Variants in EYS observed in about 807,000 individuals in gnomAD.
EYS encodes the protein EGF-like photoreceptor maintenance factor.
EYS carries 250 observed loss-of-function variants against 282.1 expected under a neutral mutation model. The observed-to-expected ratio is 0.89, with a 90% confidence interval of 0.80 to 0.98. EYS has a LOEUF of 0.98. Ranked by LOEUF, EYS falls within the 50% of genes least tolerant of loss-of-function variation. EYS has a pLI of 0.00. For synonymous variants in EYS, 1,355 were observed against 1,282.9 expected (o/e 1.06, Z -1.20); for missense variants, 4,016 against 3,709.0 (o/e 1.08, Z -2.15).
chr6:65,418,649 G>T (rs905321997), intron 5 of EYS, among the ~76,000 whole-genome samples: 2 of 152,034 alleles, frequency 1.3e-5, no homozygotes, highest in South Asian at 4.1e-4. Context: ...AACACCACAT[G>T]TTTTCACTTA....
chr6:64,192,943 G>C (rs910971690), intron 31 of EYS, among the ~76,000 whole-genome samples: 1 of 152,102 alleles, frequency 6.6e-6, no homozygotes, highest in Admixed American at 6.5e-5. Flanking sequence ...CTGTGTGTGA[G>C]TTTGTTTGTA....
intron 22 of EYS, among the ~76,000 whole-genome samples, chr6:64,748,078 T>C (rs1772614309): frequency 1.3e-5 from 2 of 152,110 alleles, no homozygotes; most frequent in African/African-American, 4.8e-5. Flanking sequence ...GTGGAGAACA[T>C]AGATTTCTAC....
At chr6:65,355,843 G>C (rs1345671120) in intron 8 of EYS, among the ~76,000 whole-genome samples, 2 of 152,072 alleles carry the variant, frequency 1.3e-5, no homozygotes, top group Non-Finnish European at 2.9e-5. Context: ...TGTTGGTGAA[G>C]ATGCAGAGAA....
intron 29 of EYS, among the ~76,000 whole-genome samples, chr6:64,336,002 G>A (rs1770838261): frequency 6.6e-6 from 1 of 151,914 alleles, no homozygotes; most frequent in Non-Finnish European, 1.5e-5. Context: ...ACAAATCCTG[G>A]AAACACATCA....
intron 14 of EYS, among the ~76,000 whole-genome samples, chr6:64,982,401 T>G (rs1398593353): frequency 1.3e-5 from 2 of 151,416 alleles, no homozygotes; most frequent in African/African-American, 4.8e-5. Context: ...AATCATTTAT[T>G]TACTGTGTTG....
At chr6:65,401,902 T>C (rs1766518151) in intron 7 of EYS, among the ~76,000 whole-genome samples, 1 of 151,958 alleles carries the variant, frequency 6.6e-6, no homozygotes, top group Admixed American at 6.6e-5. Flanking sequence ...TATTTCTTAA[T>C]GATGTGAGAA....
chr6:65,408,207 G>A (rs968253719), intron 5 of EYS, among the ~76,000 whole-genome samples: 2 of 152,010 alleles, frequency 1.3e-5, no homozygotes, highest in Non-Finnish European at 2.9e-5. Context: ...TATTTTGGTG[G>A]AGATTTTCTA....
intron 15 of EYS, among the ~76,000 whole-genome samples, chr6:64,929,875 A>G (rs1035006886): frequency 6.6e-6 from 1 of 152,162 alleles, no homozygotes; most frequent in African/African-American, 2.4e-5. Context: ...TTGTTCTGGT[A>G]TTTAGATTTA....
Position 65,402,624 on chromosome 6 carries a change from A to G in EYS, c.1057-19T>C. The stretch of plus-strand genomic sequence containing the variant: ...TAACATCCTAGGAAAGATTAAAAAA[A>G]TATTTTTACAAAGTATTATGGATAT... On this transcript the variant is annotated intron_variant, in intron 6 of 42. Coordinates refer to ENST00000503581, the MANE Select transcript of EYS (RefSeq NM_001142800.2). 2.0e-6 allele frequency: 3 copies of G among 1,506,876 alleles called. No individual in the cohort carries two copies. The highest frequency in any genetic ancestry group is 2.8e-6 in the Non-Finnish European group (3 of 1,084,958). 93.3% of individuals were successfully genotyped at this position (1,506,876 alleles called of 1,614,324 possible).
rs1248329209 is a variant in EYS, at chr6:63,772,096, T to C, written c.7898+5910A>G. On this transcript the variant is annotated intron_variant, in intron 40 of 42. Transcript: ENST00000503581. ...ACAATTTTGGCACTAGAAGTGTTCA[T>C]TGATACTGAGTTATTGTTTCTAAAT... Among the ~76,000 whole-genome samples the C allele has an allele frequency of 4.6e-5, 7 of 151,394 alleles. No individual in the cohort carries two copies. The East Asian group carries it at 7.7e-4, about 17-fold the overall frequency.
At chr6:63,947,564 T>C (rs1337277800) in intron 35 of EYS, among the ~76,000 whole-genome samples, 1 of 152,138 alleles carries the variant, frequency 6.6e-6, no homozygotes, top group Non-Finnish European at 1.5e-5. Flanking sequence ...ACATATATAA[T>C]TGGTTTGTGA....
chr6:63,988,763 T>TA (rs1360264675), intron 34 of EYS, among the ~76,000 whole-genome samples: 3 of 151,534 alleles, frequency 2.0e-5, no homozygotes, highest in Non-Finnish European at 4.4e-5. Context: ...ATGAAAATAA[T>TA]AAAAAGTATC....
At chr6:65,490,767 T>C in intron 4 of EYS, 60 bp from the exon 5 acceptor site, 1 of 865,574 alleles carries the variant, frequency 1.2e-6, no homozygotes, top group African/African-American at 1.7e-5. Context: ...CCATCAGTTT[T>C]CCCTCAATTC....
At chr6:65,597,746 T>G (rs1220002379) in intron 2 of EYS, among the ~76,000 whole-genome samples, 3 of 151,606 alleles carry the variant, frequency 2.0e-5, no homozygotes, top group Non-Finnish European at 4.4e-5. Flanking sequence ...TTATTTAGGT[T>G]CCTTGAAAGC....
chr6:64,845,075 GCCCAT>G (rs1190865168), intron 19 of EYS, among the ~76,000 whole-genome samples: 4 of 152,054 alleles, frequency 2.6e-5, no homozygotes, highest in African/African-American at 9.7e-5. Flanking sequence ...GATTGCCTGA[GCCCAT>G]GAGTTGGAGA....
intron 1 of EYS, among the ~76,000 whole-genome samples, chr6:65,699,508 G>GT (rs1470611265): frequency 6.6e-6 from 1 of 152,142 alleles, no homozygotes; most frequent in Non-Finnish European, 1.5e-5. Flanking sequence ...GCCAACAGAT[G>GT]TAAGTAGTAG....
chr6:65,260,200 T>A (rs1335617332), intron 12 of EYS, among the ~76,000 whole-genome samples: 1 of 151,988 alleles, frequency 6.6e-6, no homozygotes, highest in Non-Finnish European at 1.5e-5. Flanking sequence ...TCGTGAGAAC[T>A]CACTCACTAT....
At chr6:64,198,716 C>T (rs942452908) in intron 31 of EYS, among the ~76,000 whole-genome samples, 1 of 152,130 alleles carries the variant, frequency 6.6e-6, no homozygotes, top group East Asian at 1.9e-4. Context: ...TTTCTTTATC[C>T]AGTCTATCAC....
At chr6:64,025,024 G>A (rs1306647416) in intron 33 of EYS, among the ~76,000 whole-genome samples, 2 of 152,120 alleles carry the variant, frequency 1.3e-5, no homozygotes, top group South Asian at 2.1e-4. Context: ...GCCTATTGCC[G>A]AGCAGTGAGA....
Sources: gnomAD v4.1 joint callset for allele counts (sites outside exome capture counted in the v4.1 genomes callset) on GRCh38, gnomAD v4.1.1 for gene constraint, MANE v1.5 for transcripts, NCBI Gene and HGNC (gene_info 2026-07-23, HGNC 2026-07-21) for gene names.